The following RGPD3 variants were observed in gnomAD, a reference collection of about 807,000 sequenced individuals.
The protein encoded by RGPD3 is RANBP2 like and GRIP domain containing 3.
A neutral mutation model predicts 154.5 loss-of-function variants in RGPD3; 62 were observed. That is an observed-to-expected ratio of 0.40 (90% CI 0.33 to 0.50). RGPD3 has a LOEUF of 0.50. RGPD3 is among the 20% of genes least tolerant of loss of function. RGPD3 has a pLI of 0.59. For missense variants in RGPD3, 919 were observed against 1,716.8 expected, an observed-to-expected ratio of 0.54 and a Z score of 8.21; for synonymous variants, 308 against 607.0, an observed-to-expected ratio of 0.51 and a Z score of 7.24.
intron 1 of RGPD3, among the ~76,000 whole-genome samples, chr2:106,462,619 ATGTAAT>A (rs1342278704): frequency 2.6e-5 from 4 of 152,144 alleles, no homozygotes; most frequent in Non-Finnish European, 5.9e-5. Flanking sequence ...TAAGATAGAG[ATGTAAT>A]TGTAATTGTC....
At chr2:106,415,479 CA>C (rs1337991403) in intron 21 of RGPD3, among the ~76,000 whole-genome samples, 1 of 151,792 alleles carries the variant, frequency 6.6e-6, no homozygotes, top group Non-Finnish European at 1.5e-5. Flanking sequence ...AGATCGAGAC[CA>C]TCCTGGATAA....
intron 1 of RGPD3, among the ~76,000 whole-genome samples, chr2:106,466,436 T>C (rs1678595227): frequency 8.6e-6 from 1 of 115,948 alleles, no homozygotes; most frequent in Non-Finnish European, 1.8e-5. Flanking sequence ...CCATGACGCC[T>C]GAGCCATCGA....
chr2:106,420,787 T>G (rs1396575560), intron 20 of RGPD3, among the ~76,000 whole-genome samples: 2 of 152,278 alleles, frequency 1.3e-5, no homozygotes, highest in African/African-American at 4.8e-5. Flanking sequence ...ATTTATGTAT[T>G]TATTTGAGAT....
At position 106,467,803 on chromosome 2, in the gene RGPD3, C is replaced by G. The variant is rs1422156096; in HGVS notation, c.72+414G>C. On this transcript the variant is annotated intron_variant, in intron 1 of 22. Transcript: ENST00000409886. The stretch of plus-strand genomic sequence containing the variant: ...CATCAAGGCAGCCGCCGGGCCAGGT[C>G]GAGGCCGCGGCCTCAACAGAGCGCG... Among the ~76,000 whole-genome samples the G allele has an allele frequency of 7.0e-5, 10 of 142,712 alleles. No homozygotes were observed. In the East Asian group the frequency reaches 1.2e-3, roughly 17 times the overall value. The allele number at this position is 142,712 out of a possible 152,430, so 93.6% of individuals were successfully genotyped here. A position where few individuals can be genotyped will look rare whatever the true frequency, so the allele number is the denominator to read the frequency against.
At chr2:106,411,196 A>C (rs1676659753) in intron 22 of RGPD3, among the ~76,000 whole-genome samples, 1 of 140,660 alleles carries the variant, frequency 7.1e-6, no homozygotes, top group South Asian at 2.5e-4. Flanking sequence ...TTTGAGGATG[A>C]CTCTTATCAG....
In RGPD3 at chr2:106,424,550, A is replaced by C. The variant is rs550140559; in HGVS notation, c.3417T>G (p.Asp1139Glu). 33 of 1,609,742 alleles carry C rather than the reference A, an allele frequency of 2.1e-5. No individual in the cohort carries two copies. In the Admixed American group the frequency reaches 4.7e-4, roughly 23 times the overall value. The change falls in exon 20 of 23, where the codon GAT (aspartate) becomes GAG (glutamate). Residue 1139 changes from aspartate (D) to glutamate (E), a missense_variant. Coordinates refer to ENST00000409886, the MANE Select transcript of RGPD3 (RefSeq NM_001144013.2). ...AWMWSASDFS[D>E]GDAKLERLAA... ...CCAATCGCTCTAGTTTGGCATCACC[A>C]TCAGAGAAATCACTGGCTGACCACA...
intron 7 of RGPD3, among the ~76,000 whole-genome samples, chr2:106,444,091 AAG>A (rs1309132122): frequency 7.6e-6 from 1 of 131,922 alleles, no homozygotes; most frequent in Non-Finnish European, 1.6e-5. Context: ...TCCTCTGATT[AAG>A]AGTCTGAAAA....
chr2:106,405,127 A>G lies in RGPD3; in HGVS notation c.*92T>C, dbSNP rs962793041. ...TGAACCATTTTTGTAAATAGATTTT[A>G]TTTGGTTAATAAAAACATTCCTTCC... On this transcript the variant is annotated 3_prime_UTR_variant, in exon 23 of 23. Coordinates refer to ENST00000409886, the MANE Select transcript of RGPD3 (RefSeq NM_001144013.2). 9 of 1,572,368 alleles carry G rather than the reference A, an allele frequency of 5.7e-6. No homozygotes were observed. Among genetic ancestry groups the G allele is most frequent in the East Asian group, 2.2e-5 (1 of 44,528 alleles).
chr2:106,463,473 C>T (rs1678467497), intron 1 of RGPD3, among the ~76,000 whole-genome samples: 1 of 151,478 alleles, frequency 6.6e-6, no homozygotes, highest in Admixed American at 6.6e-5. Flanking sequence ...AGACTCTGTC[C>T]CAAAACAAAA....
Position 106,424,255 on chromosome 2 carries a change from G to T in RGPD3, c.3712C>A (p.Pro1238Thr). The T allele has an allele frequency of 6.2e-7, 1 of 1,611,972 alleles. No individual in the cohort carries two copies. The highest frequency in any genetic ancestry group is 8.5e-7 in the Non-Finnish European group (1 of 1,179,864). The change falls in exon 20 of 23, where the codon CCC (proline) becomes ACC (threonine). Residue 1238 changes from proline (P) to threonine (T), a missense_variant. Transcript: ENST00000409886. ...AAGASDTTIK[P>T]NAENTGPTLE... is the part of the protein sequence containing the mutation. ...GTGGGCCCAGTGTTTTCAGCATTGG[G>T]TTTTATTGTTGTGTCTGAGGCACCG...
Position 106,424,655 on chromosome 2 carries a change from T to C in RGPD3, c.3312A>G (p.Gln1104=). The change falls in exon 20 of 23, where the codon CAA becomes CAG. Residue 1104 remains glutamine (Q), a synonymous_variant. Transcript: ENST00000409886. ...AATGATTAGCACACACTTTTAGTACTTGTTCTCTTTGCATCAGCATTCTTA... is the reference window on the plus strand; with the variant it reads ...AATGATTAGCACACACTTTTAGTACCTGTTCTCTTTGCATCAGCATTCTTA... ...GKVRMLMQRE[Q]VLKVCANHWI... is the part of the protein sequence containing the mutation. 1 of 1,612,038 alleles carries C rather than the reference T, an allele frequency of 6.2e-7. No individual in the cohort carries two copies. Among genetic ancestry groups the C allele is most frequent in the Non-Finnish European group, 8.5e-7 (1 of 1,179,854 alleles).
In RGPD3 at chr2:106,424,535, T is replaced by C; in HGVS notation, c.3432A>G (p.Leu1144=). ...TTTTAAATTTTGCTGCCAATCGCTC[T>C]AGTTTGGCATCACCATCAGAGAAAT... ...ASDFSDGDAK[L]ERLAAKFKTP... Residue 1144 remains leucine, a synonymous_variant, in exon 20 of 23, where the codon CTA becomes CTG. Transcript: ENST00000409886. 3.1e-6 allele frequency: 5 copies of C among 1,608,274 alleles called. 1 individual carries two copies. Among genetic ancestry groups the C allele is most frequent in the Non-Finnish European group, 3.4e-6 (4 of 1,179,256 alleles).
chr2:106,467,904 C>T (rs1678683986), intron 1 of RGPD3, among the ~76,000 whole-genome samples: 1 of 140,298 alleles, frequency 7.1e-6, no homozygotes, highest in Non-Finnish European at 1.6e-5. Context: ...GAGGCCGGCG[C>T]CTCAACAGAG....
chr2:106,424,649 T>C lies in RGPD3; in HGVS notation c.3318A>G (p.Leu1106=). 1 of 1,612,022 alleles carries C rather than the reference T, an allele frequency of 6.2e-7. No individual in the cohort carries two copies. The highest frequency in any genetic ancestry group is 8.5e-7 in the Non-Finnish European group (1 of 1,179,852). Residue 1106 remains leucine (L), a synonymous_variant, in exon 20 of 23, where the codon CTA becomes CTG. Transcript: ENST00000409886. ...TTATCCAATGATTAGCACACACTTT[T>C]AGTACTTGTTCTCTTTGCATCAGCA... The part of the protein sequence containing the change: ...VRMLMQREQV[L]KVCANHWITT...
At chr2:106,463,450 G>C (rs1165450263) in intron 1 of RGPD3, among the ~76,000 whole-genome samples, 2 of 151,456 alleles carry the variant, frequency 1.3e-5, no homozygotes, top group Non-Finnish European at 1.5e-5. Flanking sequence ...ACTCCAGCCT[G>C]GGCAACAGAG....
intron 22 of RGPD3, 33 bp from the exon 23 acceptor site, chr2:106,405,262 G>A (rs780409046): frequency 1.3e-6 from 2 of 1,599,120 alleles, no homozygotes; most frequent in Admixed American, 1.7e-5. Context: ...AAAGAAAAAA[G>A]AGAGTATTAA....
At position 106,421,675 on chromosome 2, in the gene RGPD3, T is replaced by C. The variant is rs182821000; in HGVS notation, c.4924+1368A>G. Among the ~76,000 whole-genome samples the C allele has an allele frequency of 1.7e-3, 262 of 152,210 alleles. 1 individual carries two copies. Among genetic ancestry groups the C allele is most frequent in the Middle Eastern group, 3.4e-3 (1 of 294 alleles). ...GGCTGTTAAAAACGGGGGTCCATTT[T>C]CAAATACAACATTTTTCTAAACCAT... On this transcript the variant is annotated intron_variant, in intron 20 of 22. Transcript: ENST00000409886.
chr2:106,407,244 T>G (rs1346687913), intron 22 of RGPD3, among the ~76,000 whole-genome samples: 72 of 151,728 alleles, frequency 4.7e-4, no homozygotes, highest in Admixed American at 7.9e-4. Context: ...ACAGAGAGAG[T>G]CCGCTAGCAA....
intron 22 of RGPD3, among the ~76,000 whole-genome samples, chr2:106,410,865 C>T (rs1226534263): frequency 6.6e-6 from 1 of 151,948 alleles, no homozygotes; most frequent in Non-Finnish European, 1.5e-5. Context: ...GACAAAAATA[C>T]TATTGTGGCT....
Sources: allele counts gnomAD v4.1 joint callset (sites outside exome capture counted in the v4.1 genomes callset), GRCh38; gene constraint gnomAD v4.1.1; transcripts MANE v1.5; gene names NCBI Gene and HGNC (gene_info 2026-07-23, HGNC 2026-07-21).